SLC25A19: variants seen among roughly 807,000 people sequenced by gnomAD.
SLC25A19 encodes the protein mitochondrial thiamine pyrophosphate carrier.
SLC25A19 carries 18 observed loss-of-function variants against 27.9 expected under a neutral mutation model. That is an observed-to-expected ratio of 0.64 (90% CI 0.45 to 0.96). SLC25A19 has a LOEUF of 0.96. Ranked by LOEUF, SLC25A19 falls within the 40% of genes least tolerant of loss-of-function variation. The probability of loss-of-function intolerance (pLI) is 0.00; values close to 1 mark genes in which losing one functional copy is unlikely to be tolerated. For missense variants in SLC25A19, 371 were observed against 418.3 expected, an observed-to-expected ratio of 0.89 and a Z score of 0.99; for synonymous variants, 169 against 167.1, an observed-to-expected ratio of 1.01 and a Z score of -0.09.
chr17:75,281,314 T>C (rs2078034255), intron 5 of SLC25A19, among the ~76,000 whole-genome samples: 7 of 152,222 alleles, frequency 4.6e-5, no homozygotes, highest in Admixed American at 4.6e-4. Flanking sequence ...GGGAGGTCTA[T>C]TTCAGGATTT....
At position 75,283,568 on chromosome 17, in the gene SLC25A19, T is replaced by G. The variant is rs1423917599; in HGVS notation, c.314A>C (p.Glu105Ala). ...ATACACGCTGCCTCTGTGGACCAGC[T>G]CCGTCAGCATTTCAAATGACAAGAA... is the stretch of plus-strand genomic sequence containing the variant. ...VQFLSFEMLTELVHRGSVYDA... is the reference protein window; with the variant it reads ...VQFLSFEMLTALVHRGSVYDA... Residue 105 changes from glutamate (E) to alanine (A), a missense_variant, in exon 5 of 8, where the codon GAG becomes GCG. Transcript: ENST00000416858. 5 of 1,613,468 alleles carry G rather than the reference T, an allele frequency of 3.1e-6. No homozygotes were observed. The highest frequency in any genetic ancestry group is 3.4e-6 in the Non-Finnish European group (4 of 1,179,794).
Position 75,273,482 on chromosome 17 carries a change from T to C in SLC25A19, c.932A>G (p.His311Arg). Reference sequence around the variant, plus strand: ...CTGGCTGGCTGTCCTGTTCATGCAGTGGAAGACATTACAGAAGAATTCATA... The same window carrying C: ...CTGGCTGGCTGTCCTGTTCATGCAGCGGAAGACATTACAGAAGAATTCATA... The part of the protein sequence containing the change: ...FSYEFFCNVF[H>R]CMNRTASQR The change falls in exon 8 of 8, where the codon CAC becomes CGC. Residue 311 changes from histidine (H) to arginine (R), a missense_variant. Coordinates refer to ENST00000416858, the MANE Select transcript of SLC25A19 (RefSeq NM_001126121.2). 2 of 1,614,132 alleles carry C rather than the reference T, an allele frequency of 1.2e-6. No individual in the cohort carries two copies. The highest frequency in any genetic ancestry group is 8.5e-7 in the Non-Finnish European group (1 of 1,180,036).
At chr17:75,278,472 G>GAAAC in intron 5 of SLC25A19, 137 bp from the exon 6 acceptor site, 1 of 922,816 alleles carries the variant, frequency 1.1e-6, no homozygotes, top group South Asian at 1.4e-5. Context: ...ACAGTCAAGG[G>GAAAC]AAACGCTGGA....
chr17:75,284,748 T>C (rs2078143067), intron 4 of SLC25A19, among the ~76,000 whole-genome samples: 1 of 150,200 alleles, frequency 6.7e-6, no homozygotes, highest in African/African-American at 2.5e-5. Context: ...GCTCCAGTGA[T>C]CCTCTCACCT....
rs1030978581 is a variant in SLC25A19 at position 75,278,179 on chromosome 17, C to G, written c.616G>C (p.Ala206Pro). ...YSSLKHLYKWAIPAEGKKNEN... is the reference protein window; with the variant it reads ...YSSLKHLYKWPIPAEGKKNEN... ...TTTTTCTTTCCTTCGGCTGGTATGG[C>G]CCACTTGTACAGGTGCTTCAAGGAG... Residue 206 changes from alanine (A) to proline (P), a missense_variant, in exon 6 of 8, where the codon GCC (alanine) becomes CCC (proline). Coordinates refer to ENST00000416858, the MANE Select transcript of SLC25A19 (RefSeq NM_001126121.2). 1.9e-6 allele frequency: 3 copies of G among 1,613,694 alleles called. No individual in the cohort carries two copies. Among genetic ancestry groups the G allele is most frequent in the Admixed American group, 3.3e-5 (2 of 59,980 alleles).
rs541508089 is a variant in SLC25A19 at position 75,288,779 on chromosome 17, C to G, written c.-128-188G>C. The stretch of plus-strand genomic sequence containing the variant: ...ACTACCTACAGGATGGCAGCCTCCA[C>G]CCCAGACATCAATTCCTTTTCTCCT... On this transcript the variant is annotated intron_variant, in intron 1 of 7. Coordinates refer to ENST00000416858, the MANE Select transcript of SLC25A19 (RefSeq NM_001126121.2). Among the ~76,000 whole-genome samples the G allele has an allele frequency of 5.9e-5, 9 of 152,208 alleles. No homozygotes were observed. In the South Asian group the frequency reaches 1.9e-3, roughly 32 times the overall value.
At chr17:75,273,744 G>T in intron 7 of SLC25A19, 105 bp from the exon 8 acceptor site, 1 of 1,138,542 alleles carries the variant, frequency 8.8e-7, no homozygotes, top group Admixed American at 1.9e-5. Context: ...ACAAAGAAAT[G>T]AATGCAAAAT....
chr17:75,274,142 A>C (rs1429386943), intron 7 of SLC25A19, among the ~76,000 whole-genome samples: 1 of 152,178 alleles, frequency 6.6e-6, no homozygotes, highest in Non-Finnish European at 1.5e-5. Flanking sequence ...AGAAATCAGA[A>C]GCTGGACAGC....
At chr17:75,279,355 A>G (rs929359211) in intron 5 of SLC25A19, among the ~76,000 whole-genome samples, 2 of 152,144 alleles carry the variant, frequency 1.3e-5, no homozygotes, top group Admixed American at 6.6e-5. Flanking sequence ...TGTTTATAAT[A>G]TGGTTGTGAC....
At chr17:75,284,437 A>G (rs1421722160) in intron 4 of SLC25A19, among the ~76,000 whole-genome samples, 1 of 152,146 alleles carries the variant, frequency 6.6e-6, no homozygotes, top group Non-Finnish European at 1.5e-5. Context: ...AGAACAATGT[A>G]TATCAGAAAA....
chr17:75,275,027 C>T (rs1306468193), intron 7 of SLC25A19, among the ~76,000 whole-genome samples: 4 of 118,446 alleles, frequency 3.4e-5, no homozygotes, highest in African/African-American at 9.2e-5. Context: ...CTCACTCTGT[C>T]GCCCAAGATG....
At chr17:75,275,372 C>A (rs180935973) in intron 7 of SLC25A19, among the ~76,000 whole-genome samples, 60 of 152,200 alleles carry the variant, frequency 3.9e-4, no homozygotes, top group Middle Eastern at 3.4e-3. Flanking sequence ...CCAGCTCTTT[C>A]TCTTCCCCCA....
At chr17:75,286,274 A>G in intron 4 of SLC25A19, 30 bp downstream of exon 4, 4 of 1,611,912 alleles carry the variant, frequency 2.5e-6, no homozygotes, top group Non-Finnish European at 3.4e-6. Context: ...ACGTGACCCC[A>G]GAGGTCTGGC....
rs140556110 is a variant in SLC25A19 at position 75,278,227 on chromosome 17, C to T, written c.568G>A (p.Gly190Arg). 21 of 1,613,598 alleles carry T rather than the reference C, an allele frequency of 1.3e-5. No homozygotes were observed. Among genetic ancestry groups the T allele is most frequent in the African/African-American group, 1.1e-4 (8 of 74,858 alleles). Residue 190 changes from glycine (G) to arginine (R), a missense_variant, in exon 6 of 8, where the codon GGG (glycine) becomes AGG (arginine). Physicochemically the swap from Gly to Arg is moderately radical, Grantham distance 125 (BLOSUM62 -2). Transcript: ENST00000416858. ...PTLIAIFPYA[G>R]LQFSCYSSLK... The stretch of plus-strand genomic sequence containing the variant: ...GAGCTGTAGCAAGAGAACTGCAGCC[C>T]GGCGTAGGGGAAGATGGCGATCAAG...
In SLC25A19 at chr17:75,273,337, CCGCTTGGGG is replaced by C. The variant is rs1477042628; in HGVS notation, c.*105_*113del. 1.3e-5 allele frequency: 16 copies of C among 1,250,360 alleles called. No individual in the cohort carries two copies. The East Asian group carries it at 4.0e-4, about 32-fold the overall frequency. The allele number at this position is 1,250,360 out of a possible 1,614,324, so 77.5% of individuals were successfully genotyped here. On this transcript the variant is annotated 3_prime_UTR_variant, in exon 8 of 8. Transcript: ENST00000416858. ...GCTGGGTGGGTTCAAGGCTGCTACCCCGCTTGGGGCAGCTGGCCTGCAGGGAAGGGCCAG... is the reference window on the plus strand; with the variant it reads ...GCTGGGTGGGTTCAAGGCTGCTACCCCAGCTGGCCTGCAGGGAAGGGCCAG...
chr17:75,276,136 G>A (rs1352933318), intron 7 of SLC25A19, among the ~76,000 whole-genome samples: 6 of 151,712 alleles, frequency 4.0e-5, no homozygotes, highest in South Asian at 2.1e-4. Flanking sequence ...TTAGCTGGGC[G>A]TGGTGGCACG....
intron 4 of SLC25A19, among the ~76,000 whole-genome samples, chr17:75,283,950 C>T (rs552005564): frequency 2.6e-5 from 4 of 152,076 alleles, no homozygotes; most frequent in East Asian, 1.9e-4. Context: ...CCTGTCTTTA[C>T]TAAAAATACA....
At chr17:75,277,733 A>G (rs979218806) in intron 6 of SLC25A19, among the ~76,000 whole-genome samples, 1 of 152,144 alleles carries the variant, frequency 6.6e-6, no homozygotes, top group South Asian at 2.1e-4. Context: ...GCTGGAGGCA[A>G]CATGGGCCTC....
chr17:75,286,929 C>T, intron 2 of SLC25A19, 127 bp from the exon 3 acceptor site: 2 of 949,038 alleles, frequency 2.1e-6, no homozygotes, highest in Non-Finnish European at 3.2e-6. Context: ...GGACTGGGCG[C>T]AGCGGTTCAT....
Sources: gnomAD v4.1 joint callset for allele counts (sites outside exome capture counted in the v4.1 genomes callset) on GRCh38, gnomAD v4.1.1 for gene constraint, MANE v1.5 for transcripts, NCBI Gene and HGNC (gene_info 2026-07-23, HGNC 2026-07-21) for gene names.